The following HSP90AA1 variants were observed in gnomAD, a reference collection of about 807,000 sequenced individuals.
HSP90AA1 encodes the protein heat shock protein 90 alpha family class A member 1.
HSP90AA1 carries 18 observed loss-of-function variants against 73.3 expected under a neutral mutation model. That is an observed-to-expected ratio of 0.25 (90% CI 0.17 to 0.36). HSP90AA1 has a LOEUF of 0.36. Among genes scored for constraint, HSP90AA1 ranks in the 10% least tolerant of loss-of-function variants. The pLI is 1.00. For missense variants in HSP90AA1, 704 were observed against 874.2 expected (o/e 0.81, Z 2.45); for synonymous variants, 477 against 296.9 (o/e 1.61, Z -6.24).
intron 1 of HSP90AA1, among the ~76,000 whole-genome samples, chr14:102,106,012 G>A (rs1055479748): frequency 6.6e-6 from 1 of 152,094 alleles, no homozygotes; most frequent in African/African-American, 2.4e-5. Flanking sequence ...TGAGGCTGAG[G>A]TTGCAGTGAG....
chr14:102,098,146 G>T lies in HSP90AA1; in HGVS notation c.366+3729C>A, dbSNP rs193013046. The stretch of plus-strand genomic sequence containing the variant: ...CAAGTCTCTTCTCTTTAAGCCTCGG[G>T]TTTGTTTTTCTTTTTCTTTTTTTTT... On this transcript the variant is annotated intron_variant, in intron 2 of 11. Coordinates refer to the HSP90AA1 transcript ENST00000334701. 4.6e-3 allele frequency among the ~76,000 whole-genome samples: 692 copies of T among 151,876 alleles called. 3 individuals carry two copies. The highest frequency in any genetic ancestry group is 0.021 in the Middle Eastern group (6 of 292).
chr14:102,081,497 C>A lies in HSP90AA1; in HGVS notation c.*215G>T. 1.7e-6 allele frequency: 1 copy of A among 594,374 alleles called. No individual in the cohort carries two copies. The highest frequency in any genetic ancestry group is 2.0e-5 in the South Asian group (1 of 49,420). The allele number at this position is 594,374 out of a possible 1,614,324, so 36.8% of individuals were successfully genotyped here. A position where few individuals can be genotyped will look rare whatever the true frequency, so the allele number is the denominator to read the frequency against. On this transcript the variant is annotated 3_prime_UTR_variant, in exon 11 of 11. Coordinates refer to ENST00000216281, the MANE Select transcript of HSP90AA1 (RefSeq NM_005348.4). ...CGTTACCCCAATCTGTGAAAATAAA[C>A]CAACATGAAACTCAAAAAGCATTAC... is the stretch of plus-strand genomic sequence containing the variant.
rs2152611681 is a variant in HSP90AA1, at chr14:102,084,798, T to A, written c.864A>T (p.Glu288Asp). 6.2e-7 allele frequency: 1 copy of A among 1,613,638 alleles called. No homozygotes were observed. Among genetic ancestry groups the A allele is most frequent in the Admixed American group, 1.7e-5 (1 of 60,026 alleles). Residue 288 changes from glutamate to aspartate, a missense_variant, in exon 5 of 11, where the codon GAA becomes GAT. Physicochemically the swap from Glu to Asp is conservative, Grantham distance 45 (BLOSUM62 2). Transcript: ENST00000216281. The stretch of plus-strand genomic sequence containing the variant: ...AGATGGGCTTTGTTTTGTTGAGCTC[T>A]TCTTGATCGATGTACTTTTCCTTAA... ...KKIKEKYIDQ[E>D]ELNKTKPIWT...
At chr14:102,083,494 C>G in intron 8 of HSP90AA1, 52 bp downstream of exon 8, 2 of 1,559,898 alleles carry the variant, frequency 1.3e-6, no homozygotes, top group Non-Finnish European at 1.8e-6. Flanking sequence ...ACCCACAGAG[C>G]CTACAAGATT....
Position 102,081,574 on chromosome 14 carries a change from T to C in HSP90AA1, c.*138A>G. On this transcript the variant is annotated 3_prime_UTR_variant, in exon 11 of 11. Transcript: ENST00000216281. ...CACAGCATCACTTAGTAGACAGAAA[T>C]CTTATCTTCCCCTTAAAGTAGTTGT... The C allele has an allele frequency of 7.5e-6, 5 of 670,740 alleles. No individual in the cohort carries two copies. Among genetic ancestry groups the C allele is most frequent in the Non-Finnish European group, 1.1e-5 (4 of 368,264 alleles). 41.5% of individuals were successfully genotyped at this position (670,740 alleles called of 1,614,324 possible). A position where few individuals can be genotyped will look rare whatever the true frequency, so the allele number is the denominator to read the frequency against.
upstream of HSP90AA1, among the ~76,000 whole-genome samples, chr14:102,090,488 C>T (rs2049340786): frequency 6.6e-6 from 1 of 150,934 alleles, no homozygotes; most frequent in African/African-American, 2.4e-5. Context: ...CTTGCTCTGT[C>T]GCCCAGGCTG....
chr14:102,117,537 A>C lies in HSP90AA1; in HGVS notation c.156-15452T>G, dbSNP rs567813638. Among the ~76,000 whole-genome samples the C allele has an allele frequency of 8.6e-5, 13 of 152,016 alleles. No homozygotes were observed. The South Asian group carries it at 2.7e-3, about 32-fold the overall frequency. ...ATGACCTGCTTAGCAGAGAGGAGCT[A>C]CCCTCTTTGCTAGGAGCTGAACACC... On this transcript the variant is annotated intron_variant, in intron 1 of 11. Coordinates refer to the HSP90AA1 transcript ENST00000334701.
chr14:102,085,199 C>A (rs1595658053), intron 4 of HSP90AA1, 99 bp downstream of exon 4: 5 of 1,452,072 alleles, frequency 3.4e-6, no homozygotes, highest in Non-Finnish European at 3.9e-6. Flanking sequence ...GTTCCCCAGG[C>A]TTCAGACTAG....
At chr14:102,101,808 G>C in intron 2 of HSP90AA1, 1 of 1,360,904 alleles carries the variant, frequency 7.3e-7, no homozygotes, top group Non-Finnish European at 1.0e-6. Flanking sequence ...CCACCGGTTG[G>C]TTGGATGGAT....
intron 2 of HSP90AA1, among the ~76,000 whole-genome samples, chr14:102,095,239 G>A (rs1039798425): frequency 2.0e-5 from 3 of 152,138 alleles, no homozygotes; most frequent in Non-Finnish European, 4.4e-5. Flanking sequence ...GTCTCAGTAG[G>A]GCCAGAAAGC....
rs2152616875 is a variant in HSP90AA1 at position 102,092,752 on chromosome 14, T to C, written c.367-6374A>G. Among the ~76,000 whole-genome samples, 4 of 152,138 alleles carry C rather than the reference T, an allele frequency of 2.6e-5. 1 individual carries two copies. The highest frequency in any genetic ancestry group is 2.6e-4 in the Admixed American group (4 of 15,268). ...CAAATTGTACTTTAAACATGTGCAG[T>C]TTATTGTTGTTTTTATTTTTTTGAG... On this transcript the variant is annotated intron_variant, in intron 2 of 11. Coordinates refer to the HSP90AA1 transcript ENST00000334701.
At chr14:102,124,463 G>A (rs2049817564) in intron 1 of HSP90AA1, among the ~76,000 whole-genome samples, 1 of 152,130 alleles carries the variant, frequency 6.6e-6, no homozygotes, top group African/African-American at 2.4e-5. Flanking sequence ...AAAGTGCTGG[G>A]ATTATAGGTG....
rs376198010 is a variant in HSP90AA1 at position 102,083,871 on chromosome 14, G to A, written c.1260C>T (p.Cys420=). The change falls in exon 7 of 11, where the codon TGC becomes TGT. Residue 420 remains cysteine (C), a synonymous_variant. Coordinates refer to ENST00000216281, the MANE Select transcript of HSP90AA1 (RefSeq NM_005348.4). Reference sequence around the variant, plus strand: ...CCGCCAGTTCAGTAAAGAGTTCTAAGCATTTTTTGACCAAATTCTTCCTGA... The same window carrying A: ...CCGCCAGTTCAGTAAAGAGTTCTAAACATTTTTTGACCAAATTCTTCCTGA... ...KVIRKNLVKK[C]LELFTELAED... 5.0e-6 allele frequency: 8 copies of A among 1,613,744 alleles called. No homozygotes were observed. The highest frequency in any genetic ancestry group is 6.8e-6 in the Non-Finnish European group (8 of 1,179,902).
At position 102,083,314 on chromosome 14, in the gene HSP90AA1, C is replaced by CA; in HGVS notation, c.1487-13dup. 8 of 1,614,044 alleles carry CA rather than the reference C, an allele frequency of 5.0e-6. No homozygotes were observed. Among genetic ancestry groups the CA allele is most frequent in the Non-Finnish European group, 6.8e-6 (8 of 1,179,904 alleles). ...GTCCTTGGTCTCACCTGAGGTATTA[C>CA]AAAGTTACTTTTAGACCTTTTAACA... is the stretch of plus-strand genomic sequence containing the variant. On this transcript the variant is annotated splice_polypyrimidine_tract_variant and intron_variant, in intron 8 of 10. Transcript: ENST00000216281.
At chr14:102,090,224 AT>A (rs1394185608), upstream of HSP90AA1, among the ~76,000 whole-genome samples, 1 of 151,940 alleles carries the variant, frequency 6.6e-6, no homozygotes, top group Non-Finnish European at 1.5e-5. Context: ...TCTCTAATTA[AT>A]TTTTAATGGA....
chr14:102,136,685 C>G (rs1030228788), intron 1 of HSP90AA1, among the ~76,000 whole-genome samples: 4 of 149,860 alleles, frequency 2.7e-5, no homozygotes, highest in Non-Finnish European at 5.9e-5. Flanking sequence ...GTCAGGAGTT[C>G]AAGACCAGCC....
At chr14:102,135,411 A>C (rs949972430) in intron 1 of HSP90AA1, among the ~76,000 whole-genome samples, 1 of 152,276 alleles carries the variant, frequency 6.6e-6, no homozygotes, top group Non-Finnish European at 1.5e-5. Flanking sequence ...CTTGAGCTAA[A>C]CACAGGGTGC....
At chr14:102,110,964 T>C (rs1301835488) in intron 1 of HSP90AA1, among the ~76,000 whole-genome samples, 4 of 151,946 alleles carry the variant, frequency 2.6e-5, no homozygotes, top group Admixed American at 2.6e-4. Context: ...GTGATCCACC[T>C]GCCTCTGCCT....
chr14:102,082,833 G>A (rs192647750), intron 9 of HSP90AA1: 8 of 617,840 alleles, frequency 1.3e-5, no homozygotes, highest in African/African-American at 7.4e-5. Context: ...TGTTAGCCAG[G>A]ATGGTCTCGA....
Sources: gnomAD v4.1 joint callset for allele counts (sites outside exome capture counted in the v4.1 genomes callset) on GRCh38, gnomAD v4.1.1 for gene constraint, MANE v1.5 for transcripts, NCBI Gene and HGNC (gene_info 2026-07-23, HGNC 2026-07-21) for gene names.